The following USP26 variants were observed in gnomAD, a reference collection of about 807,000 sequenced individuals.
The protein encoded by USP26 is ubiquitin carboxyl-terminal hydrolase 26.
For missense variants in USP26, 649 were observed against 642.3 expected (o/e 1.01, Z -0.11); for synonymous variants, 236 against 240.6 (o/e 0.98, Z 0.18).
At chrX:133,034,383 A>G (rs2067389127) in intron 5 of USP26, among the ~76,000 whole-genome samples, 1 of 111,461 alleles carries the variant, frequency 9.0e-6, no homozygotes, top group African/African-American at 3.3e-5. Flanking sequence ...AATGGGCTAG[A>G]ACTGTTATGG....
intron 5 of USP26, 90 bp from the exon 6 acceptor site, chrX:133,028,386 C>G: frequency 1.7e-6 from 1 of 591,012 alleles, no homozygotes. Context: ...GAGTCTAGTT[C>G]AGGTTCTAGA....
At chrX:133,059,803 T>A (rs1018505129) in intron 5 of USP26, among the ~76,000 whole-genome samples, 5 of 111,971 alleles carry the variant, frequency 4.5e-5, no homozygotes, top group African/African-American at 1.6e-4. Flanking sequence ...CTTGCTTACC[T>A]TCCACTCTTC....
chrX:133,026,870 A>G lies in USP26; in HGVS notation c.1351T>C (p.Cys451Arg). ...ELLHSIACKA[C>R]GQVILKTELN... is the part of the protein sequence containing the mutation. ...TCTGTCTTGAGAATAACCTGACCAC[A>G]AGCTTTACAAGCAATGGAGTGCAAC... Residue 451 changes from cysteine to arginine, a missense_variant, in exon 6 of 6, where the codon TGT becomes CGT. By Grantham distance (180) the Cys-to-Arg change is radical. Transcript: ENST00000511190. 2.5e-6 allele frequency: 3 copies of G among 1,211,338 alleles called. No individual in the cohort carries two copies. The highest frequency in any genetic ancestry group is 3.4e-6 in the Non-Finnish European group (3 of 895,246).
chrX:133,057,081 ATT>A (rs200796771), intron 5 of USP26, among the ~76,000 whole-genome samples: 7 of 107,587 alleles, frequency 6.5e-5, no homozygotes, highest in African/African-American at 2.0e-4. Context: ...AAAATGTTTA[ATT>A]TTTTTTTTTA....
rs2067357443 is a variant in USP26 at position 133,027,556 on chromosome X, A to C, written c.665T>G (p.Leu222Trp). ...ATTCTCTTCTAACTCTTTTAACTTCAATTGTTTCTCTCGATTATAGCTTAC... is the reference window on the plus strand; with the variant it reads ...ATTCTCTTCTAACTCTTTTAACTTCCATTGTTTCTCTCGATTATAGCTTAC... Reference protein sequence around the residue: ...RCVSYNREKQLKLKELEENKK... With the variant: ...RCVSYNREKQWKLKELEENKK... Residue 222 changes from leucine (L) to tryptophan (W), a missense_variant, in exon 6 of 6, where the codon TTG (leucine) becomes TGG (tryptophan). Physicochemically the swap from Leu to Trp is moderately conservative, Grantham distance 61. Coordinates refer to ENST00000511190, the MANE Select transcript of USP26 (RefSeq NM_031907.3). The C allele has an allele frequency of 2.0e-5, 24 of 1,208,987 alleles. No individual in the cohort carries two copies. Among genetic ancestry groups the C allele is most frequent in the Non-Finnish European group, 2.6e-5 (23 of 893,642 alleles).
rs2067340371 is a variant in USP26 at position 133,025,221 on chromosome X, T to C, written c.*258A>G. 2.6e-6 allele frequency: 1 copy of C among 391,698 alleles called. No individual in the cohort carries two copies. The highest frequency in any genetic ancestry group is 2.5e-5 in the African/African-American group (1 of 39,629). 32.3% of individuals were successfully genotyped at this position (391,698 alleles called of 1,213,427 possible). On this transcript the variant is annotated 3_prime_UTR_variant, in exon 6 of 6. Coordinates refer to ENST00000511190, the MANE Select transcript of USP26 (RefSeq NM_031907.3). ...ATGACAGAGCAAGACCCTGACTATA[T>C]TAAAATGAAGAAGAACATGAAAAAC...
intron 4 of USP26, among the ~76,000 whole-genome samples, chrX:133,084,668 C>T (rs749073034): frequency 2.5e-4 from 28 of 109,971 alleles, no homozygotes; most frequent in Admixed American, 1.8e-3. Context: ...CATGAGCCAC[C>T]GTGCCTGGCC....
chrX:133,035,192 G>A, intron 5 of USP26, among the ~76,000 whole-genome samples: 1 of 112,100 alleles, frequency 8.9e-6, no homozygotes, highest in Non-Finnish European at 1.9e-5. Context: ...AGGCAAAAGT[G>A]AAAGCAAGTT....
In USP26 at chrX:133,068,823, T is replaced by C. The variant is rs191863895; in HGVS notation, c.-77+14884A>G. 7.1e-5 allele frequency among the ~76,000 whole-genome samples: 8 copies of C among 112,679 alleles called. No homozygotes were observed. The East Asian group carries it at 2.2e-3, about 31-fold the overall frequency. The stretch of plus-strand genomic sequence containing the variant: ...AAGATGTAAAGTTAGATGCAGTGCT[T>C]AAATTAAATTACTTCTTTATATATA... On this transcript the variant is annotated intron_variant, in intron 5 of 5. Transcript: ENST00000511190.
chrX:133,073,655 C>G (rs763915045), intron 5 of USP26, among the ~76,000 whole-genome samples: 4 of 111,320 alleles, frequency 3.6e-5, no homozygotes, highest in Admixed American at 9.6e-5. Context: ...TCCCCTTCTA[C>G]CCCTAATACC....
rs758389183 is a variant in USP26 at position 133,055,437 on chromosome X, G to A, written c.-76-27141C>T. Among the ~76,000 whole-genome samples, 4 of 111,730 alleles carry A rather than the reference G, an allele frequency of 3.6e-5. 1 individual carries two copies. Among genetic ancestry groups the A allele is most frequent in the Middle Eastern group, 9.2e-3 (2 of 217 alleles). On this transcript the variant is annotated intron_variant, in intron 5 of 5. Coordinates refer to ENST00000511190, the MANE Select transcript of USP26 (RefSeq NM_031907.3). ...GTCAGCCATGGAGTTAAATTATTAC[G>A]TGAAATGCCATTCTGCTATTAAAAC...
chrX:133,095,918 T>C (rs1268637409), intron 1 of USP26, among the ~76,000 whole-genome samples: 1 of 110,693 alleles, frequency 9.0e-6, no homozygotes, highest in Non-Finnish European at 1.9e-5. Flanking sequence ...CTGATTTTCA[T>C]ATTTTTAGTA....
In USP26 at chrX:133,026,579, A is replaced by G. The variant is rs767043280; in HGVS notation, c.1642T>C (p.Ser548Pro). The G allele has an allele frequency of 8.3e-7, 1 of 1,208,461 alleles. No individual in the cohort carries two copies. The stretch of plus-strand genomic sequence containing the variant: ...CTGGTGCCTTCATTGCAATGAGAAG[A>G]CACCTTTAAATATTTGGAAATGATG... ...EVIISKYLKV[S>P]SHCNEGTRPP... Residue 548 changes from serine (S) to proline (P), a missense_variant, in exon 6 of 6, where the codon TCT becomes CCT. Ser to Pro is a moderately conservative substitution (Grantham distance 74). Coordinates refer to ENST00000511190, the MANE Select transcript of USP26 (RefSeq NM_031907.3).
chrX:133,079,292 G>A (rs775566529), intron 5 of USP26, among the ~76,000 whole-genome samples: 2 of 111,557 alleles, frequency 1.8e-5, no homozygotes, highest in Non-Finnish European at 3.8e-5. Flanking sequence ...GCATTTTTGA[G>A]GACCCAGAAT....
chrX:133,039,604 ATGTGCTT>A (rs1181329323), intron 5 of USP26, among the ~76,000 whole-genome samples: 1 of 111,596 alleles, frequency 9.0e-6, no homozygotes, highest in Non-Finnish European at 1.9e-5. Context: ...AATTTAGAAT[ATGTGCTT>A]TGTGGTGCTG....
intron 4 of USP26, among the ~76,000 whole-genome samples, chrX:133,086,913 C>CA (rs34814339): frequency 5.2e-3 from 260 of 50,426 alleles, no homozygotes; most frequent in African/African-American, 0.012. Context: ...GACTCTGCCT[C>CA]AAAAAAAAAA....
rs2067363252 is a variant in USP26, at chrX:133,028,214, C to T, written c.7G>A (p.Ala3Thr). 1 of 1,209,444 alleles carries T rather than the reference C, an allele frequency of 8.3e-7. No individual in the cohort carries two copies. The highest frequency in any genetic ancestry group is 1.7e-5 in the African/African-American group (1 of 57,764). MAALFLRGFVQIG... is the reference protein window; with the variant it reads MATLFLRGFVQIG... ...TGGACAAAACCACGTAGGAATAGGGCAGCCATGTTTTCTTTACAAATAAAA... is the reference window on the plus strand; with the variant it reads ...TGGACAAAACCACGTAGGAATAGGGTAGCCATGTTTTCTTTACAAATAAAA... Residue 3 changes from alanine to threonine, a missense_variant, in exon 6 of 6, where the codon GCC (alanine) becomes ACC (threonine). Transcript: ENST00000511190.
In USP26 at chrX:133,035,378, A is replaced by G. The variant is rs183316633; in HGVS notation, c.-76-7082T>C. On this transcript the variant is annotated intron_variant, in intron 5 of 5. Coordinates refer to ENST00000511190, the MANE Select transcript of USP26 (RefSeq NM_031907.3). ...CAGAAAATAAGGGGGAAATCACAAAAGATTAGCTGGAGACCTCACCTTATC... is the reference window on the plus strand; with the variant it reads ...CAGAAAATAAGGGGGAAATCACAAAGGATTAGCTGGAGACCTCACCTTATC... 5.4e-5 allele frequency among the ~76,000 whole-genome samples: 6 copies of G among 112,001 alleles called. No homozygotes were observed. The East Asian group carries it at 1.7e-3, about 32-fold the overall frequency.
chrX:133,092,376 T>C (rs1473550589), intron 1 of USP26, among the ~76,000 whole-genome samples: 2 of 111,831 alleles, frequency 1.8e-5, no homozygotes, highest in East Asian at 5.6e-4. Context: ...GAGGTTTGAG[T>C]TGTTCACCAG....
Sources: gnomAD v4.1 joint callset for allele counts (sites outside exome capture counted in the v4.1 genomes callset) on GRCh38, gnomAD v4.1.1 for gene constraint, MANE v1.5 for transcripts, NCBI Gene and HGNC (gene_info 2026-07-23, HGNC 2026-07-21) for gene names.